RNF115: variants seen among roughly 807,000 people sequenced by gnomAD.
The protein encoded by RNF115 is ring finger protein 115, also known as E3 ubiquitin-protein ligase RNF115.
RNF115 carries 31 observed loss-of-function variants against 39.2 expected under a neutral mutation model. The observed-to-expected ratio is 0.79, with a 90% CI of 0.59 to 1.07. RNF115 has a LOEUF of 1.07. Ranked by LOEUF, RNF115 falls within the 50% of genes least tolerant of loss-of-function variation. The probability of loss-of-function intolerance (pLI) is 0.00; values close to 1 mark genes in which losing one functional copy is unlikely to be tolerated. For missense variants in RNF115, 384 were observed against 381.7 expected (o/e 1.01, Z -0.05); for synonymous variants, 124 against 131.0 (o/e 0.95, Z 0.37).
chr1:145,748,004 C>T lies in RNF115; in HGVS notation c.774G>A (p.Trp258Ter). 6.2e-7 allele frequency: 1 copy of T among 1,611,100 alleles called. No individual in the cohort carries two copies. Among genetic ancestry groups the T allele is most frequent in the South Asian group, 1.1e-5 (1 of 91,032 alleles). ...HFFHSSCIVP[W>*]LELHDTCPVC... ...GACTTGCTGTACTCACCAGTTCTAG[C>T]CACGGCACAATACAACTGCTGTGAA... The change falls in exon 8 of 9, where the codon TGG becomes TGA. Residue 258 changes from tryptophan (W) to a stop codon, truncating the protein, a stop_gained. Transcript: ENST00000582693. LOFTEE classifies it high-confidence loss of function.
chr1:145,764,819 G>C (rs974357715), intron 4 of RNF115, among the ~76,000 whole-genome samples: 11 of 149,542 alleles, frequency 7.4e-5, no homozygotes, highest in Admixed American at 7.3e-4. Flanking sequence ...GCCTCCGCCC[G>C]GCCAGCCGCC....
At chr1:145,765,868 A>G (rs1311048839) in intron 4 of RNF115, among the ~76,000 whole-genome samples, 1 of 152,280 alleles carries the variant, frequency 6.6e-6, no homozygotes. Context: ...TACTCATGCC[A>G]ATGAAAAAGT....
rs148527930 is a variant in RNF115 at position 145,783,284 on chromosome 1, C to T, written c.219+1255G>A. On this transcript the variant is annotated intron_variant, in intron 3 of 8. Coordinates refer to ENST00000582693, the MANE Select transcript of RNF115 (RefSeq NM_014455.4). Reference sequence around the variant, plus strand: ...CCGGGCAGTTCAGAGTTAACCAAAACTCTTAATACTGTATATTAAGAAGTA... The same window carrying T: ...CCGGGCAGTTCAGAGTTAACCAAAATTCTTAATACTGTATATTAAGAAGTA... Among the ~76,000 whole-genome samples, 15 of 152,296 alleles carry T rather than the reference C, an allele frequency of 9.8e-5. 1 individual carries two copies. The East Asian group carries it at 2.9e-3, about 29-fold the overall frequency.
chr1:145,797,110 T>C (rs782027544), intron 1 of RNF115, among the ~76,000 whole-genome samples: 1 of 152,196 alleles, frequency 6.6e-6, no homozygotes, highest in Non-Finnish European at 1.5e-5. Flanking sequence ...CCCATCATGA[T>C]TGCCTAAGTG....
intron 1 of RNF115, among the ~76,000 whole-genome samples, chr1:145,789,300 T>C (rs1490621650): frequency 6.6e-6 from 1 of 152,162 alleles, no homozygotes; most frequent in Non-Finnish European, 1.5e-5. Context: ...GAGGTCTTGC[T>C]ATGTTGCCCA....
intron 1 of RNF115, among the ~76,000 whole-genome samples, chr1:145,822,294 T>G (rs187248866): frequency 6.9e-6 from 1 of 145,626 alleles, no homozygotes. Context: ...TGCTCCTGGG[T>G]GATAGACAGA....
chr1:145,812,212 T>C (rs1649757737), intron 1 of RNF115, among the ~76,000 whole-genome samples: 1 of 149,574 alleles, frequency 6.7e-6, no homozygotes, highest in African/African-American at 2.4e-5. Flanking sequence ...GATGGTACTA[T>C]GGGTTAAAAG....
chr1:145,773,231 C>CT (rs1553716015), intron 3 of RNF115: 1 of 152,034 alleles, frequency 6.6e-6, no homozygotes. Flanking sequence ...CTGTTCATTT[C>CT]TTTTTTCTTG....
intron 4 of RNF115, among the ~76,000 whole-genome samples, chr1:145,764,842 T>TG (rs1272131102): frequency 5.4e-5 from 8 of 148,528 alleles, no homozygotes; most frequent in Middle Eastern, 3.3e-3. Flanking sequence ...GTCCGGGAGG[T>TG]GGGGGGTGCC....
chr1:145,806,659 C>CCCCT (rs1649478243), intron 1 of RNF115, among the ~76,000 whole-genome samples: 1 of 152,020 alleles, frequency 6.6e-6, no homozygotes, highest in Admixed American at 6.6e-5. Context: ...GAGTGTGGTA[C>CCCCT]CCCTCCCCTT....
intron 1 of RNF115, among the ~76,000 whole-genome samples, chr1:145,822,490 TTG>T (rs1246523560): frequency 5.4e-5 from 8 of 147,396 alleles, no homozygotes; most frequent in Non-Finnish European, 1.0e-4. Context: ...TGGACTCCAT[TTG>T]TGTTTCTAAG....
rs140670770 is a variant in RNF115, at chr1:145,788,271, G to A, written c.161+637C>T. 5.4e-3 allele frequency among the ~76,000 whole-genome samples: 816 copies of A among 152,162 alleles called. 4 individuals are homozygous for A. The highest frequency in any genetic ancestry group is 8.0e-3 in the Non-Finnish European group (541 of 68,000). On this transcript the variant is annotated intron_variant, in intron 2 of 8. Coordinates refer to ENST00000582693, the MANE Select transcript of RNF115 (RefSeq NM_014455.4). ...TAATTTTTGTGTTTTTAATGGAGAC[G>A]GGGTTTCACCATGTTGACCACGCTG...
chr1:145,787,266 C>T (rs1648424156), intron 2 of RNF115, among the ~76,000 whole-genome samples: 1 of 152,186 alleles, frequency 6.6e-6, no homozygotes, highest in Admixed American at 6.5e-5. Flanking sequence ...CAATGCTATT[C>T]TAAAATTTAT....
At chr1:145,805,853 A>AT (rs1431487173) in intron 1 of RNF115, among the ~76,000 whole-genome samples, 1 of 152,058 alleles carries the variant, frequency 6.6e-6, no homozygotes, top group South Asian at 2.1e-4. Flanking sequence ...AAAATAAAAC[A>AT]TTTTTTCCCA....
At chr1:145,768,235 G>T (rs371921370) in intron 4 of RNF115, among the ~76,000 whole-genome samples, 26 of 152,340 alleles carry the variant, frequency 1.7e-4, no homozygotes, top group African/African-American at 6.0e-4. Context: ...CCCCTTGGAG[G>T]CCTCCAGGCC....
At chr1:145,809,063 C>T (rs1649582110) in intron 1 of RNF115, among the ~76,000 whole-genome samples, 1 of 152,068 alleles carries the variant, frequency 6.6e-6, no homozygotes, top group African/African-American at 2.4e-5. Context: ...GAAATAAAGC[C>T]GTATTCCACA....
chr1:145,816,319 TG>T, intron 1 of RNF115, among the ~76,000 whole-genome samples: 1 of 22,256 alleles, frequency 4.5e-5, no homozygotes, highest in South Asian at 1.4e-3. Context: ...TGACCTCAGG[TG>T]ATCCGCCCAC....
intron 1 of RNF115, among the ~76,000 whole-genome samples, chr1:145,804,487 GCATGCATGCATGCACA>G (rs1649380224): frequency 2.0e-5 from 2 of 101,140 alleles, no homozygotes; most frequent in East Asian, 6.2e-4. Context: ...CACCTTAAAT[GCATGCATGCATGCACA>G]CACACACACA....
intron 1 of RNF115, among the ~76,000 whole-genome samples, chr1:145,789,341 T>A (rs1553718589): frequency 6.6e-6 from 1 of 152,174 alleles, no homozygotes; most frequent in Non-Finnish European, 1.5e-5. Flanking sequence ...ACTGAAGTGA[T>A]CTTCCTGCCT....
Sources: gnomAD v4.1 joint callset for allele counts (sites outside exome capture counted in the v4.1 genomes callset) on GRCh38, gnomAD v4.1.1 for gene constraint, MANE v1.5 for transcripts, NCBI Gene and HGNC (gene_info 2026-07-23, HGNC 2026-07-21) for gene names.